The following LMO7 variants were observed in gnomAD, a reference collection of about 807,000 sequenced individuals.
LMO7 encodes LIM domain 7, also known as LIM domain only protein 7.
Under a neutral mutation model 206.5 loss-of-function variants are expected in LMO7, and 120 were observed. The observed-to-expected ratio is 0.58, with a 90% CI of 0.50 to 0.68. The LOEUF is 0.68. Among genes scored for constraint, LMO7 ranks in the 30% least tolerant of loss-of-function variants. The probability of loss-of-function intolerance (pLI) is 0.00; values close to 1 mark genes in which losing one functional copy is unlikely to be tolerated. For missense variants in LMO7, 1,959 were observed against 1,957.9 expected (o/e 1.00, Z -0.01); for synonymous variants, 706 against 681.5 (o/e 1.04, Z -0.56).
intron 3 of LMO7, among the ~76,000 whole-genome samples, chr13:75,744,555 C>T (rs570722373): frequency 2.0e-5 from 3 of 152,216 alleles, no homozygotes; most frequent in Non-Finnish European, 4.4e-5. Context: ...GGAATGTCTC[C>T]CCTTAGGTAC....
chr13:75,658,596 A>G (rs568833693), intron 1 of LMO7, among the ~76,000 whole-genome samples: 6 of 151,624 alleles, frequency 4.0e-5, no homozygotes, highest in Non-Finnish European at 5.9e-5. Flanking sequence ...TTTTATTTTT[A>G]TTTTTGAGAT....
chr13:75,679,468 T>C (rs1014936030), intron 1 of LMO7, among the ~76,000 whole-genome samples: 4 of 152,246 alleles, frequency 2.6e-5, no homozygotes, highest in African/African-American at 9.6e-5. Flanking sequence ...GCCATGATAA[T>C]GCTGCATAAC....
chr13:75,772,754 G>A (rs773950891), intron 4 of LMO7, among the ~76,000 whole-genome samples: 1 of 152,096 alleles, frequency 6.6e-6, no homozygotes, highest in Non-Finnish European at 1.5e-5. Context: ...TGGAGATATG[G>A]GGGAGTTTGT....
At chr13:75,848,574 A>G (rs1373065429) in intron 26 of LMO7, among the ~76,000 whole-genome samples, 1 of 151,842 alleles carries the variant, frequency 6.6e-6, no homozygotes, top group Non-Finnish European at 1.5e-5. Context: ...GTGAGCAAAT[A>G]TCTTTTTCAT....
intron 15 of LMO7, among the ~76,000 whole-genome samples, chr13:75,826,034 AAATT>A (rs1217100746): frequency 6.6e-6 from 1 of 151,694 alleles, no homozygotes; most frequent in Non-Finnish European, 1.5e-5. Flanking sequence ...CTTTTTTTAA[AAATT>A]AATTAATTAA....
At chr13:75,737,772 TA>T (rs2045995353) in intron 3 of LMO7, among the ~76,000 whole-genome samples, 1 of 5,814 alleles carries the variant, frequency 1.7e-4, no homozygotes, top group African/African-American at 9.8e-4. Flanking sequence ...AAAAATAAAA[TA>T]AAATAAAATA....
chr13:75,636,293 G>A, upstream of LMO7: 1 of 1,074,282 alleles, frequency 9.3e-7, no homozygotes, highest in Non-Finnish European at 1.1e-6. Context: ...GGGCCACCGC[G>A]GGGAGGACGG....
At chr13:75,697,532 T>C (rs1460405292) in intron 1 of LMO7, among the ~76,000 whole-genome samples, 2 of 152,280 alleles carry the variant, frequency 1.3e-5, no homozygotes, top group East Asian at 3.9e-4. Flanking sequence ...TTCAATTATC[T>C]CCCACTGGGT....
At chr13:75,765,423 A>G (rs751501629) in intron 4 of LMO7, among the ~76,000 whole-genome samples, 1 of 148,840 alleles carries the variant, frequency 6.7e-6, no homozygotes, top group Non-Finnish European at 1.5e-5. Flanking sequence ...TGGATCTGCA[A>G]CTTGAGCATG....
At chr13:75,741,710 AG>A (rs2046426617) in intron 3 of LMO7, among the ~76,000 whole-genome samples, 1 of 152,258 alleles carries the variant, frequency 6.6e-6, no homozygotes, top group African/African-American at 2.4e-5. Context: ...TCAATAAACT[AG>A]GTAGAGAAGG....
At chr13:75,720,214 T>G (rs2138358834) in intron 2 of LMO7, among the ~76,000 whole-genome samples, 1 of 152,324 alleles carries the variant, frequency 6.6e-6, no homozygotes, top group African/African-American at 2.4e-5. Context: ...AAGAGTTCCT[T>G]GTATATTTTA....
chr13:75,831,686 T>C (rs2058682449), intron 15 of LMO7, among the ~76,000 whole-genome samples: 1 of 152,122 alleles, frequency 6.6e-6, no homozygotes, highest in Admixed American at 6.5e-5. Flanking sequence ...AACCTCACTT[T>C]ATAACAACCT....
At chr13:75,814,206 T>C (rs1301357284) in intron 11 of LMO7, among the ~76,000 whole-genome samples, 1 of 152,246 alleles carries the variant, frequency 6.6e-6, no homozygotes, top group Admixed American at 6.5e-5. Context: ...GCCATAATAA[T>C]CTTACAAAAA....
chr13:75,730,244 A>T (rs2045005548), intron 3 of LMO7, among the ~76,000 whole-genome samples: 1 of 152,170 alleles, frequency 6.6e-6, no homozygotes, highest in Non-Finnish European at 1.5e-5. Context: ...TTTGGCTGTG[A>T]ATCCATCTGG....
chr13:75,783,011 A>C (rs1018520175), intron 4 of LMO7, among the ~76,000 whole-genome samples: 2 of 152,136 alleles, frequency 1.3e-5, no homozygotes, highest in African/African-American at 4.8e-5. Flanking sequence ...CTCCCACTGA[A>C]CTCAATAAAT....
At chr13:75,772,568 T>C (rs1431042594) in intron 4 of LMO7, among the ~76,000 whole-genome samples, 1 of 152,090 alleles carries the variant, frequency 6.6e-6, no homozygotes, top group Non-Finnish European at 1.5e-5. Context: ...GGTCATAGGC[T>C]TAGTAAATGG....
At chr13:75,837,938 TCTA>T (rs1285548105) in intron 19 of LMO7, among the ~76,000 whole-genome samples, 199 bp from the exon 20 acceptor site, 10 of 152,170 alleles carry the variant, frequency 6.6e-5, no homozygotes, top group African/African-American at 2.2e-4. Context: ...ATTCATTCCT[TCTA>T]CTAATTTGAA....
At position 75,807,724 on chromosome 13, in the gene LMO7, T is replaced by C. The variant is rs779454839; in HGVS notation, c.1441T>C (p.Phe481Leu). 2.5e-6 allele frequency: 4 copies of C among 1,614,038 alleles called. No homozygotes were observed. The highest frequency in any genetic ancestry group is 3.4e-6 in the Non-Finnish European group (4 of 1,179,892). Residue 481 changes from phenylalanine (F) to leucine (L), a missense_variant, in exon 10 of 31, where the codon TTT (phenylalanine) becomes CTT (leucine). Coordinates refer to ENST00000377534, the MANE Select transcript of LMO7 (RefSeq NM_001306080.2). ...TGCAAATCCATATGTTCTCCGAGCT[T>C]TTGAAGACTTTAGAAAGTTCTCTGA... ...FHANPYVLRA[F>L]EDFRKFSEQD...
At chr13:75,846,223 C>A (rs571092198) in intron 26 of LMO7, among the ~76,000 whole-genome samples, 5 of 152,178 alleles carry the variant, frequency 3.3e-5, no homozygotes, top group African/African-American at 1.2e-4. Flanking sequence ...AGTCTGGTGG[C>A]AGCTAGTTTA....
Sources: gnomAD v4.1 joint callset for allele counts (sites outside exome capture counted in the v4.1 genomes callset) on GRCh38, gnomAD v4.1.1 for gene constraint, MANE v1.5 for transcripts, NCBI Gene and HGNC (gene_info 2026-07-23, HGNC 2026-07-21) for gene names.